The following HSPBAP1 variants were observed in gnomAD, a reference collection of about 807,000 sequenced individuals.
HSPBAP1 encodes the protein HSPB1-associated protein 1.
A neutral mutation model predicts 45.2 loss-of-function variants in HSPBAP1; 27 were observed. That is an observed-to-expected ratio of 0.60 (90% CI 0.44 to 0.82). HSPBAP1 has a LOEUF of 0.82. Ranked by LOEUF, HSPBAP1 falls within the 40% of genes least tolerant of loss-of-function variation. The pLI, the probability that HSPBAP1 is intolerant of heterozygous loss-of-function variation, is 0.00. For missense variants in HSPBAP1, 510 were observed against 590.9 expected (o/e 0.86, Z 1.42); for synonymous variants, 204 against 202.7 (o/e 1.01, Z -0.06).
chr3:122,786,897 A>G (rs1935677370), intron 1 of HSPBAP1, among the ~76,000 whole-genome samples: 1 of 152,250 alleles, frequency 6.6e-6, no homozygotes. Context: ...AAACTGGGCC[A>G]TTAAATTAAT....
In HSPBAP1 at chr3:122,793,758, G is replaced by A. The variant is rs112098414; in HGVS notation, c.-78C>T. ...GGGGTCAGAGTAGGGGCCAAACTCC[G>A]AGACCCGAAGCTGCACCACAGGAAG... On this transcript the variant is annotated 5_prime_UTR_variant, in exon 1 of 8. Coordinates refer to ENST00000306103, the MANE Select transcript of HSPBAP1 (RefSeq NM_024610.6). 799 of 1,353,116 alleles carry A rather than the reference G, an allele frequency of 5.9e-4. 7 individuals carry two copies. In the African/African-American group the frequency reaches 9.7e-3, roughly 16 times the overall value. 83.8% of individuals were successfully genotyped at this position (1,353,116 alleles called of 1,614,324 possible).
chr3:122,764,344 A>G (rs1934701947), intron 3 of HSPBAP1, among the ~76,000 whole-genome samples: 1 of 152,118 alleles, frequency 6.6e-6, no homozygotes, highest in African/African-American at 2.4e-5. Flanking sequence ...ACCTTTGTCA[A>G]ATTTTCTGTG....
At chr3:122,775,640 A>G (rs898259608) in intron 2 of HSPBAP1, among the ~76,000 whole-genome samples, 53 of 152,126 alleles carry the variant, frequency 3.5e-4, no homozygotes, top group Admixed American at 7.2e-4. Flanking sequence ...TTTAAAATGG[A>G]GTGTTGGCAA....
At chr3:122,746,994 G>C (rs1033870716) in intron 6 of HSPBAP1, among the ~76,000 whole-genome samples, 24 of 150,754 alleles carry the variant, frequency 1.6e-4, no homozygotes, top group South Asian at 4.2e-4. Context: ...GCGTGATCTC[G>C]GCTCGCTACA....
chr3:122,753,771 TG>T (rs1934243917), intron 5 of HSPBAP1: 1 of 985,194 alleles, frequency 1.0e-6, no homozygotes, highest in Non-Finnish European at 1.2e-6. Flanking sequence ...TAGTAGGTTA[TG>T]CATGTCCTAT....
intron 1 of HSPBAP1, among the ~76,000 whole-genome samples, chr3:122,780,771 G>T (rs1391451552): frequency 6.7e-6 from 1 of 148,684 alleles, no homozygotes; most frequent in Non-Finnish European, 1.5e-5. Context: ...GGCGGCTGCC[G>T]GGCGGAGGGG....
chr3:122,781,043 C>T (rs1337663932), intron 1 of HSPBAP1, among the ~76,000 whole-genome samples: 11 of 150,056 alleles, frequency 7.3e-5, no homozygotes, highest in Admixed American at 2.6e-4. Flanking sequence ...GGATGGCGGC[C>T]GGGCAGAGAA....
At chr3:122,779,944 T>C (rs996699681) in intron 1 of HSPBAP1, among the ~76,000 whole-genome samples, 5 of 152,038 alleles carry the variant, frequency 3.3e-5, no homozygotes, top group Non-Finnish European at 7.4e-5. Flanking sequence ...GATTTCTCAA[T>C]CTTTTCCCCA....
chr3:122,769,650 G>C (rs957115823), intron 2 of HSPBAP1, among the ~76,000 whole-genome samples: 1 of 152,168 alleles, frequency 6.6e-6, no homozygotes, highest in African/African-American at 2.4e-5. Flanking sequence ...TGACACAGCA[G>C]ATTTCAATAA....
chr3:122,745,401 A>C (rs1933811257), intron 6 of HSPBAP1, among the ~76,000 whole-genome samples: 1 of 152,216 alleles, frequency 6.6e-6, no homozygotes, highest in Admixed American at 6.5e-5. Flanking sequence ...GCAAAAAAAG[A>C]TGAAATATGG....
At chr3:122,747,370 C>T (rs1373610390) in intron 6 of HSPBAP1, among the ~76,000 whole-genome samples, 1 of 151,104 alleles carries the variant, frequency 6.6e-6, no homozygotes, top group South Asian at 2.1e-4. Flanking sequence ...TGAGGAGACC[C>T]TCCGCCTGGC....
intron 4 of HSPBAP1, among the ~76,000 whole-genome samples, chr3:122,756,274 C>T (rs1934352943): frequency 6.6e-6 from 1 of 152,188 alleles, no homozygotes; most frequent in African/African-American, 2.4e-5. Flanking sequence ...CAAGTCCTTT[C>T]AGAACCAAGA....
intron 3 of HSPBAP1, among the ~76,000 whole-genome samples, chr3:122,763,101 A>G (rs1934656978): frequency 6.6e-6 from 1 of 152,200 alleles, no homozygotes; most frequent in Non-Finnish European, 1.5e-5. Context: ...TATTGTGATG[A>G]AATACCCTCT....
intron 1 of HSPBAP1, among the ~76,000 whole-genome samples, chr3:122,779,129 A>T (rs1576269301): frequency 6.7e-6 from 1 of 149,118 alleles, no homozygotes; most frequent in Non-Finnish European, 1.5e-5. Context: ...TGCAACCTCC[A>T]CCTCCCGGGT....
chr3:122,791,552 C>T (rs1337871853), intron 1 of HSPBAP1, among the ~76,000 whole-genome samples: 5 of 152,190 alleles, frequency 3.3e-5, no homozygotes, highest in Admixed American at 1.3e-4. Context: ...ATGGAAAAAA[C>T]AAATAATAAA....
At position 122,768,893 on chromosome 3, in the gene HSPBAP1, A is replaced by G. The variant is rs1276112454; in HGVS notation, c.251-11T>C. The G allele has an allele frequency of 6.4e-7, 1 of 1,554,288 alleles. No homozygotes were observed. On this transcript the variant is annotated splice_polypyrimidine_tract_variant and intron_variant, in intron 2 of 7. Transcript: ENST00000306103. ...TTTCAAACTGAGGAACTGCAATGTA[A>G]GAGAATGCAACCTTAAATGTATAAT... is the stretch of plus-strand genomic sequence containing the variant.
intron 6 of HSPBAP1, among the ~76,000 whole-genome samples, chr3:122,747,652 G>C (rs1198125416): frequency 6.8e-5 from 10 of 146,116 alleles, no homozygotes; most frequent in Non-Finnish European, 1.5e-4. Context: ...CCCCCCGCCC[G>C]GCCAGCCGCC....
rs1180651422 is a variant in HSPBAP1, at chr3:122,775,354, A to G, written c.250+2367T>C. The stretch of plus-strand genomic sequence containing the variant: ...AAGGATTTGAATAGACATTTTTCCA[A>G]AGAAGACATACAAATGGCCAACACA... On this transcript the variant is annotated intron_variant, in intron 2 of 7. Coordinates refer to ENST00000306103, the MANE Select transcript of HSPBAP1 (RefSeq NM_024610.6). Among the ~76,000 whole-genome samples, 3 of 152,370 alleles carry G rather than the reference A, an allele frequency of 2.0e-5. No homozygotes were observed. The East Asian group carries it at 5.8e-4, about 29-fold the overall frequency.
intron 1 of HSPBAP1, among the ~76,000 whole-genome samples, chr3:122,787,999 C>T (rs1255924399): frequency 6.6e-6 from 1 of 152,078 alleles, no homozygotes; most frequent in Admixed American, 6.5e-5. Context: ...AAGGTGATGT[C>T]TATCACTGAA....
Sources: allele counts gnomAD v4.1 joint callset (sites outside exome capture counted in the v4.1 genomes callset), GRCh38; gene constraint gnomAD v4.1.1; transcripts MANE v1.5; gene names NCBI Gene and HGNC (gene_info 2026-07-23, HGNC 2026-07-21).